The following TMEM179 variants were observed in gnomAD, a reference collection of about 807,000 sequenced individuals.
TMEM179 encodes the protein transmembrane protein 179.
A neutral mutation model predicts 22.2 loss-of-function variants in TMEM179; 17 were observed. The ratio of observed to expected loss-of-function variants is 0.77; its 90% CI spans 0.52 to 1.15. The LOEUF is 1.15. Among genes scored for constraint, TMEM179 ranks in the 50% most tolerant of loss-of-function variants. The probability of loss-of-function intolerance (pLI) is 0.00; values close to 1 mark genes in which losing one functional copy is unlikely to be tolerated. For missense variants in TMEM179, 265 were observed against 313.6 expected (o/e 0.84, Z 1.17); for synonymous variants, 127 against 140.5 (o/e 0.90, Z 0.68).
rs1028975030 is a variant in TMEM179, at chr14:104,595,823, G to C, written c.444-580C>G. 3.3e-5 allele frequency among the ~76,000 whole-genome samples: 5 copies of C among 152,230 alleles called. No homozygotes were observed. The highest frequency in any genetic ancestry group is 5.9e-5 in the Non-Finnish European group (4 of 68,022). On this transcript the variant is annotated intron_variant, in intron 2 of 3. Coordinates refer to ENST00000556573, the MANE Select transcript of TMEM179 (RefSeq NM_001286389.2). The surrounding 1 kb of genome is among the most constrained non-coding windows in gnomAD (Gnocchi z 5.7). The stretch of plus-strand genomic sequence containing the variant: ...AGGAGTGAGCCAGGCCTGGGCTCCC[G>C]GTAGGTGTCCTGCACCCCCAACATA...
chr14:104,597,056 G>T lies in TMEM179; in HGVS notation c.377C>A (p.Thr126Asn). 6.2e-7 allele frequency: 1 copy of T among 1,610,134 alleles called. No individual in the cohort carries two copies. The highest frequency in any genetic ancestry group is 8.5e-7 in the Non-Finnish European group (1 of 1,178,930). The change falls in exon 2 of 4, where the codon ACC (threonine) becomes AAC (asparagine). Residue 126 changes from threonine to asparagine, a missense_variant. By Grantham distance (65) the Thr-to-Asn change is moderately conservative (BLOSUM62 0). Coordinates refer to ENST00000556573, the MANE Select transcript of TMEM179 (RefSeq NM_001286389.2). This position sits in a 1 kb window ranked among gnomAD's most constrained non-coding sequence, Gnocchi z 4.8. ...FVVFLVFIAS[T>N]IVSVGFTMWC... Reference sequence around the variant, plus strand: ...CATGGTGAAGCCCACGCTCACGATGGTGCTGGCAATGAAGACCAGGAAGAC... The same window carrying T: ...CATGGTGAAGCCCACGCTCACGATGTTGCTGGCAATGAAGACCAGGAAGAC...
chr14:104,596,538 A>G (rs1210278180), intron 2 of TMEM179, among the ~76,000 whole-genome samples: 1 of 152,126 alleles, frequency 6.6e-6, no homozygotes, highest in Non-Finnish European at 1.5e-5. Flanking sequence ...TGAGGACCAA[A>G]GCCCTGAGCC....
chr14:104,594,311 AG>A, intron 3 of TMEM179: 1 of 1,231,202 alleles, frequency 8.1e-7, no homozygotes, highest in Non-Finnish European at 1.0e-6. Flanking sequence ...GCACCCTTGG[AG>A]GGCTCCTGGC....
intron 1 of TMEM179, among the ~76,000 whole-genome samples, chr14:104,602,407 C>T (rs139005840): frequency 5.8e-4 from 89 of 152,284 alleles, no homozygotes; most frequent in Middle Eastern, 3.4e-3. Flanking sequence ...TGAAGAAGTG[C>T]GTGAGCGATG....
At position 104,596,448 on chromosome 14, in the gene TMEM179, C is replaced by T. The variant is rs74092114; in HGVS notation, c.443+542G>A. ...CATCCCCAACCCGCCTGGGAGCTGA[C>T]CCTCACCCTGCCAGAAGCTTCCTCT... On this transcript the variant is annotated intron_variant, in intron 2 of 3. Transcript: ENST00000556573. Among the ~76,000 whole-genome samples the T allele has an allele frequency of 9.8e-3, 1,494 of 152,276 alleles. 27 individuals carry two copies. The highest frequency in any genetic ancestry group is 0.035 in the African/African-American group (1,441 of 41,546).
Position 104,597,062 on chromosome 14 carries a change from G to A in TMEM179, c.371C>T (p.Ala124Val), listed in dbSNP as rs749233785. The change falls in exon 2 of 4, where the codon GCC becomes GTC. Residue 124 changes from alanine (A) to valine (V), a missense_variant. Ala to Val is a moderately conservative substitution (Grantham distance 64, BLOSUM62 0). Coordinates refer to ENST00000556573, the MANE Select transcript of TMEM179 (RefSeq NM_001286389.2). The surrounding 1 kb of genome is among the most constrained non-coding windows in gnomAD (Gnocchi z 4.8). ...SAFVVFLVFI[A>V]STIVSVGFTM... Reference sequence around the variant, plus strand: ...GAAGCCCACGCTCACGATGGTGCTGGCAATGAAGACCAGGAAGACCACGAA... The same window carrying A: ...GAAGCCCACGCTCACGATGGTGCTGACAATGAAGACCAGGAAGACCACGAA... 3 of 1,609,570 alleles carry A rather than the reference G, an allele frequency of 1.9e-6. No individual in the cohort carries two copies. Among genetic ancestry groups the A allele is most frequent in the South Asian group, 1.1e-5 (1 of 89,978 alleles).
chr14:104,597,148 G>A lies in TMEM179; in HGVS notation c.306-21C>T. The stretch of plus-strand genomic sequence containing the variant: ...AGGAGCTGCAGCCAGAAACAGGAGG[G>A]GCAGGCTCACTGGACACCACCTCCC... On this transcript the variant is annotated intron_variant, in intron 1 of 3. Coordinates refer to ENST00000556573, the MANE Select transcript of TMEM179 (RefSeq NM_001286389.2). The surrounding 1 kb of genome is among the most constrained non-coding windows in gnomAD (Gnocchi z 4.8). 1 of 1,568,482 alleles carries A rather than the reference G, an allele frequency of 6.4e-7. No homozygotes were observed.
chr14:104,591,249 C>A lies in TMEM179; in HGVS notation c.*2230G>T, dbSNP rs12101275. ...CTCCTGGGATCCAGCAGTGCAGCCC[C>A]CAAGAACAGACCCAACCGGGGCCAA... On this transcript the variant is annotated 3_prime_UTR_variant, in exon 4 of 4. Coordinates refer to ENST00000556573, the MANE Select transcript of TMEM179 (RefSeq NM_001286389.2). 1.5e-5 allele frequency: 6 copies of A among 406,256 alleles called. No homozygotes were observed. The highest frequency in any genetic ancestry group is 2.4e-5 in the Non-Finnish European group (5 of 206,034). 25.2% of individuals were successfully genotyped at this position (406,256 alleles called of 1,614,324 possible).
chr14:104,593,239 C>T lies in TMEM179; in HGVS notation c.*240G>A. ...GCCTGGAGGTGCCCCCCGCCCCCGC[C>T]CCACACCCATAGTCTCTCTGCACCA... On this transcript the variant is annotated 3_prime_UTR_variant, in exon 4 of 4. Coordinates refer to ENST00000556573, the MANE Select transcript of TMEM179 (RefSeq NM_001286389.2). 3 of 578,496 alleles carry T rather than the reference C, an allele frequency of 5.2e-6. No individual in the cohort carries two copies. The highest frequency in any genetic ancestry group is 6.7e-5 in the Admixed American group (2 of 29,774). The allele number at this position is 578,496 out of a possible 1,614,324, so 35.8% of individuals were successfully genotyped here. A position where few individuals can be genotyped will look rare whatever the true frequency, so the allele number is the denominator to read the frequency against.
Position 104,593,373 on chromosome 14 carries a change from A to G in TMEM179, c.*106T>C. ...GTCGAGGGGACACACGCAGGGCTGC[A>G]TGTGGCCAGGGCCCAGGCAGAGCCC... is the stretch of plus-strand genomic sequence containing the variant. On this transcript the variant is annotated 3_prime_UTR_variant, in exon 4 of 4. Transcript: ENST00000556573. The G allele has an allele frequency of 7.3e-7, 1 of 1,361,280 alleles. No homozygotes were observed. The highest frequency in any genetic ancestry group is 1.0e-6 in the Non-Finnish European group (1 of 996,726). The allele number at this position is 1,361,280 out of a possible 1,614,324, so 84.3% of individuals were successfully genotyped here.
intron 1 of TMEM179, among the ~76,000 whole-genome samples, chr14:104,601,997 C>T (rs1217919498): frequency 1.3e-5 from 2 of 152,192 alleles, no homozygotes; most frequent in Admixed American, 6.5e-5. Flanking sequence ...GCATCCCAGC[C>T]GGCTCCACCC....
chr14:104,598,975 T>C (rs1254559547), intron 1 of TMEM179, among the ~76,000 whole-genome samples: 1 of 152,180 alleles, frequency 6.6e-6, no homozygotes, highest in East Asian at 1.9e-4. Flanking sequence ...TGGCTGAAGA[T>C]GGCTGGAGAG....
At chr14:104,599,234 C>G (rs1028436392) in intron 1 of TMEM179, among the ~76,000 whole-genome samples, 5 of 151,638 alleles carry the variant, frequency 3.3e-5, no homozygotes, top group Non-Finnish European at 7.4e-5. Flanking sequence ...GCGTCTCCTT[C>G]TCCATTCTCT....
At chr14:104,596,146 AGGCACG>A (rs1887014397) in intron 2 of TMEM179, among the ~76,000 whole-genome samples, 1 of 152,232 alleles carries the variant, frequency 6.6e-6, no homozygotes, top group African/African-American at 2.4e-5. Context: ...CCCAGGGTGG[AGGCACG>A]GAACAGACAG....
Position 104,604,487 on chromosome 14 carries a change from G to A in TMEM179, c.255C>T (p.Ala85=), listed in dbSNP as rs1473796232. ...LLASLLSLLL[A]AAHAWRTLFF... ...AGAGCGTGCGCCAGGCGTGCGCGGC[G>A]GCCAGCAGCAGAGACAGGAGGCTGG... The change falls in exon 1 of 4, where the codon GCC becomes GCT. Residue 85 remains alanine, a synonymous_variant. Transcript: ENST00000556573. This position sits in a 1 kb window ranked among gnomAD's most constrained non-coding sequence, Gnocchi z 4.6. 1 of 1,581,052 alleles carries A rather than the reference G, an allele frequency of 6.3e-7. No homozygotes were observed. Among genetic ancestry groups the A allele is most frequent in the Non-Finnish European group, 8.6e-7 (1 of 1,166,470 alleles).
rs1258490604 is a variant in TMEM179, at chr14:104,595,549, C to T, written c.444-306G>A. On this transcript the variant is annotated intron_variant, in intron 2 of 3. Transcript: ENST00000556573. This position sits in a 1 kb window ranked among gnomAD's most constrained non-coding sequence, Gnocchi z 5.7. ...CCCATGCCCCACACTCTGAGGATCA[C>T]GGGGTCTCAGAGGCCAGGCCCCTCC... 6.6e-6 allele frequency among the ~76,000 whole-genome samples: 1 copy of T among 151,706 alleles called. No individual in the cohort carries two copies. Among genetic ancestry groups the T allele is most frequent in the Non-Finnish European group, 1.5e-5 (1 of 67,888 alleles).
In TMEM179 at chr14:104,604,370, G is replaced by T; in HGVS notation, c.305+67C>A. The stretch of plus-strand genomic sequence containing the variant: ...GACGGAGGGACTCGCGCGCCTCCCC[G>T]GGGAGGTGGGTCTGGGGGCGCTGGG... On this transcript the variant is annotated intron_variant, in intron 1 of 3. Coordinates refer to ENST00000556573, the MANE Select transcript of TMEM179 (RefSeq NM_001286389.2). The surrounding 1 kb of genome is among the most constrained non-coding windows in gnomAD (Gnocchi z 4.6). 1 of 1,407,272 alleles carries T rather than the reference G, an allele frequency of 7.1e-7. No individual in the cohort carries two copies. 87.2% of individuals were successfully genotyped at this position (1,407,272 alleles called of 1,614,324 possible).
rs1887078854 is a variant in TMEM179 at position 104,597,594 on chromosome 14, C to A, written c.306-467G>T. Reference sequence around the variant, plus strand: ...AAGAGAGGAGGTCATGAGGGTGAAGCCTCATGAATGAAATGAGTGCCCTCC... The same window carrying A: ...AAGAGAGGAGGTCATGAGGGTGAAGACTCATGAATGAAATGAGTGCCCTCC... On this transcript the variant is annotated intron_variant, in intron 1 of 3. Transcript: ENST00000556573. The surrounding 1 kb of genome is among the most constrained non-coding windows in gnomAD (Gnocchi z 4.8). Among the ~76,000 whole-genome samples the A allele has an allele frequency of 6.6e-6, 1 of 152,066 alleles. No homozygotes were observed. Among genetic ancestry groups the A allele is most frequent in the Non-Finnish European group, 1.5e-5 (1 of 68,016 alleles).
intron 1 of TMEM179, among the ~76,000 whole-genome samples, chr14:104,602,109 C>T (rs891543461): frequency 1.8e-4 from 27 of 152,152 alleles, no homozygotes; most frequent in African/African-American, 6.5e-4. Context: ...CAGTTTGCCA[C>T]GGCTGACAGA....
Sources: allele counts gnomAD v4.1 joint callset (sites outside exome capture counted in the v4.1 genomes callset), GRCh38; gene constraint gnomAD v4.1.1; non-coding constraint Gnocchi (gnomAD v3.1); transcripts MANE v1.5; gene names NCBI Gene and HGNC (gene_info 2026-07-23, HGNC 2026-07-21).